Variants in ZNF474 observed in about 807,000 individuals in gnomAD.
ZNF474 encodes the protein zinc finger protein 474.
For missense variants in ZNF474, 511 were observed against 433.8 expected (o/e 1.18, Z -1.58); for synonymous variants, 192 against 162.2 (o/e 1.18, Z -1.39).
chr5:122,148,104 A>T (rs1756038157), intron 1 of ZNF474: 1 of 152,234 alleles, frequency 6.6e-6, no homozygotes, highest in African/African-American at 2.4e-5. Flanking sequence ...ATGTGATTTA[A>T]GTATATGCAT....
chr5:122,132,994 G>A (rs1279778484), intron 1 of ZNF474, among the ~76,000 whole-genome samples: 1 of 152,128 alleles, frequency 6.6e-6, no homozygotes, highest in Non-Finnish European at 1.5e-5. Context: ...AATCAGGTTG[G>A]GCAGTCCTCC....
In ZNF474 at chr5:122,153,220, G is replaced by T. The variant is rs1756246116; in HGVS notation, c.*135G>T. ...GAACTCCAGGGCCTATACCTCTCTT[G>T]GCTGAATAGATATAAGAACATCCTT... On this transcript the variant is annotated 3_prime_UTR_variant, in exon 2 of 2. Transcript: ENST00000296600. The T allele has an allele frequency of 1.8e-6, 2 of 1,097,720 alleles. No homozygotes were observed. Among genetic ancestry groups the T allele is most frequent in the Admixed American group, 5.6e-5 (2 of 35,816 alleles). 68.0% of individuals were successfully genotyped at this position (1,097,720 alleles called of 1,614,324 possible). A position where few individuals can be genotyped will look rare whatever the true frequency, so the allele number is the denominator to read the frequency against.
chr5:122,141,466 A>G (rs924928089), intron 1 of ZNF474, among the ~76,000 whole-genome samples: 14 of 151,756 alleles, frequency 9.2e-5, no homozygotes, highest in Non-Finnish European at 1.2e-4. Context: ...GTGCCACCAT[A>G]CCTGGCTAAT....
intron 1 of ZNF474, among the ~76,000 whole-genome samples, chr5:122,149,025 C>T (rs940569778): frequency 1.2e-4 from 18 of 152,066 alleles, no homozygotes; most frequent in Non-Finnish European, 1.6e-4. Flanking sequence ...CCACCGCGCC[C>T]GGCCTGGAAA....
At chr5:122,129,761 C>T (rs563862058) in intron 1 of ZNF474, 78 bp downstream of exon 1, 1 of 152,316 alleles carries the variant, frequency 6.6e-6, no homozygotes, top group African/African-American at 2.4e-5. Context: ...TTAAACCTTT[C>T]AACTAATAAC....
Position 122,153,114 on chromosome 5 carries a change from C to G in ZNF474, c.*29C>G. On this transcript the variant is annotated 3_prime_UTR_variant, in exon 2 of 2. Transcript: ENST00000296600. ...AACAAGAGAAAACTATCCCCAGAATCAGCCACCTCAGCCCCTAGTATTTTT... is the reference window on the plus strand; with the variant it reads ...AACAAGAGAAAACTATCCCCAGAATGAGCCACCTCAGCCCCTAGTATTTTT... 6.3e-7 allele frequency: 1 copy of G among 1,576,562 alleles called. No homozygotes were observed. The highest frequency in any genetic ancestry group is 1.2e-5 in the South Asian group (1 of 83,942).
At chr5:122,149,302 A>G (rs79433801) in intron 1 of ZNF474, among the ~76,000 whole-genome samples, 2,457 of 152,266 alleles carry the variant, frequency 0.016, 53 homozygotes, top group African/African-American at 0.056. Flanking sequence ...AGTTGAAGAA[A>G]AAAAGTCCCC....
intron 1 of ZNF474, among the ~76,000 whole-genome samples, chr5:122,145,975 G>T (rs1384552704): frequency 6.6e-6 from 1 of 152,188 alleles, no homozygotes; most frequent in African/African-American, 2.4e-5. Flanking sequence ...TGGTGGGGAA[G>T]GGTCAGTTTG....
chr5:122,153,310 T>G lies in ZNF474; in HGVS notation c.*225T>G. The G allele has an allele frequency of 2.0e-6, 1 of 499,746 alleles. No individual in the cohort carries two copies. The highest frequency in any genetic ancestry group is 3.5e-6 in the Non-Finnish European group (1 of 284,062). 31.0% of individuals were successfully genotyped at this position (499,746 alleles called of 1,614,324 possible). A position where few individuals can be genotyped will look rare whatever the true frequency, so the allele number is the denominator to read the frequency against. The stretch of plus-strand genomic sequence containing the variant: ...AAAGAAGAAGAGATGGACTTCTTTC[T>G]TCCCTGATCCCTGATACAAATAATC... On this transcript the variant is annotated 3_prime_UTR_variant, in exon 2 of 2. Transcript: ENST00000296600.
intron 1 of ZNF474, among the ~76,000 whole-genome samples, chr5:122,143,591 T>C (rs1412131436): frequency 1.3e-5 from 2 of 152,210 alleles, no homozygotes; most frequent in African/African-American, 2.4e-5. Flanking sequence ...CTTATACGTT[T>C]GCAGTTCAAA....
chr5:122,142,879 G>A (rs1459378975), intron 1 of ZNF474, among the ~76,000 whole-genome samples: 1 of 152,152 alleles, frequency 6.6e-6, no homozygotes, highest in African/African-American at 2.4e-5. Flanking sequence ...TGCCAGGAAC[G>A]TCATGGCGAG....
chr5:122,140,846 T>C (rs1755819122), intron 1 of ZNF474, among the ~76,000 whole-genome samples: 1 of 152,172 alleles, frequency 6.6e-6, no homozygotes, highest in Non-Finnish European at 1.5e-5. Context: ...ATCTCCAATG[T>C]TCTTGTGCTA....
chr5:122,129,901 T>C (rs1755538176), intron 1 of ZNF474, among the ~76,000 whole-genome samples: 1 of 152,214 alleles, frequency 6.6e-6, no homozygotes, highest in African/African-American at 2.4e-5. Flanking sequence ...GTGAAAAATC[T>C]CAAGTATTAC....
At chr5:122,146,702 A>G (rs1561441719) in intron 1 of ZNF474, among the ~76,000 whole-genome samples, 1 of 152,216 alleles carries the variant, frequency 6.6e-6, no homozygotes. Context: ...TTATGTAAAT[A>G]AAGTCCAAGA....
intron 1 of ZNF474, among the ~76,000 whole-genome samples, chr5:122,133,050 G>A (rs958637187): frequency 4.6e-5 from 7 of 152,098 alleles, no homozygotes; most frequent in South Asian, 2.1e-4. Flanking sequence ...CTTATTTTAA[G>A]TGATTCTGTA....
At chr5:122,137,538 G>A (rs1192134607) in intron 1 of ZNF474, among the ~76,000 whole-genome samples, 1 of 133,502 alleles carries the variant, frequency 7.5e-6, no homozygotes, top group Non-Finnish European at 1.6e-5. Context: ...GATAAAATAA[G>A]AAAGCTAAGC....
intron 1 of ZNF474, chr5:122,148,030 AGTGGTTCTCTT>A (rs1439721344): frequency 6.6e-6 from 1 of 152,250 alleles, no homozygotes; most frequent in African/African-American, 2.4e-5. Context: ...GGCTTTGCAA[AGTGGTTCTCTT>A]TATAAACTAG....
At chr5:122,142,040 G>T (rs1267097317) in intron 1 of ZNF474, among the ~76,000 whole-genome samples, 1 of 152,190 alleles carries the variant, frequency 6.6e-6, no homozygotes, top group Non-Finnish European at 1.5e-5. Flanking sequence ...AGCTGGAATT[G>T]TTGGCATCGC....
rs546509886 is a variant in ZNF474 at position 122,141,213 on chromosome 5, C to T, written c.-212-10566C>T. 6.4e-4 allele frequency among the ~76,000 whole-genome samples: 93 copies of T among 146,046 alleles called. 1 individual carries two copies. The highest frequency in any genetic ancestry group is 1.1e-3 in the South Asian group (5 of 4,694). On this transcript the variant is annotated intron_variant, in intron 1 of 1. Coordinates refer to ENST00000296600, the MANE Select transcript of ZNF474 (RefSeq NM_207317.3). ...TTGCTCAGGCTGGAGTGCTGTGGCG[C>T]GATCTCAGCTCACAGCAGCCTCCAG... is the stretch of plus-strand genomic sequence containing the variant.
Sources: gnomAD v4.1 joint callset for allele counts (sites outside exome capture counted in the v4.1 genomes callset) on GRCh38, gnomAD v4.1.1 for gene constraint, MANE v1.5 for transcripts, NCBI Gene and HGNC (gene_info 2026-07-23, HGNC 2026-07-21) for gene names.